Variants in FILIP1L observed in about 807,000 individuals in gnomAD.
FILIP1L encodes filamin A-interacting protein 1-like.
A neutral mutation model predicts 96.6 loss-of-function variants in FILIP1L; 55 were observed. That is an observed-to-expected ratio of 0.57 (90% CI 0.46 to 0.71). The LOEUF (loss-of-function observed/expected upper bound fraction) is 0.71. Among genes scored for constraint, FILIP1L ranks in the 30% least tolerant of loss-of-function variants. FILIP1L has a pLI of 0.00. For missense variants in FILIP1L, 1,304 were observed against 1,321.2 expected (o/e 0.99, Z 0.20); for synonymous variants, 467 against 473.9 (o/e 0.99, Z 0.19).
rs141658014 is a variant in FILIP1L, at chr3:99,965,422, G to A, written c.-10-34392C>T. Among the ~76,000 whole-genome samples the A allele has an allele frequency of 8.1e-4, 123 of 152,324 alleles. 2 individuals carry two copies. In the East Asian group the frequency reaches 0.022, roughly 27 times the overall value. ...TTCTGGCGTAGTGTACTCTGTGGAT[G>A]TACCAGCATGTTCTTCAAGGTCATG... On this transcript the variant is annotated intron_variant, in intron 1 of 5. Coordinates refer to ENST00000477258, the MANE Select transcript of FILIP1L (RefSeq NM_001387850.1).
chr3:100,027,223 C>T (rs913072068), intron 1 of FILIP1L, among the ~76,000 whole-genome samples: 4 of 152,070 alleles, frequency 2.6e-5, no homozygotes, highest in African/African-American at 7.2e-5. Flanking sequence ...TTTTTTATTA[C>T]CTGTTTTCTG....
intron 1 of FILIP1L, chr3:100,075,737 G>A (rs889983158): frequency 1.3e-5 from 2 of 152,080 alleles, no homozygotes; most frequent in African/African-American, 4.8e-5. Flanking sequence ...TAGATTTGGG[G>A]AGAATTTCAT....
At chr3:100,048,664 C>T (rs1270584735) in intron 1 of FILIP1L, among the ~76,000 whole-genome samples, 6 of 152,132 alleles carry the variant, frequency 3.9e-5, no homozygotes, top group Admixed American at 3.9e-4. Flanking sequence ...AATCAGGAAT[C>T]ATTTCCACTC....
At chr3:100,006,655 C>CAAA (rs201648197) in intron 1 of FILIP1L, among the ~76,000 whole-genome samples, 1 of 134,032 alleles carries the variant, frequency 7.5e-6, no homozygotes, top group Non-Finnish European at 1.6e-5. Flanking sequence ...CTTTTCTTTC[C>CAAA]AAAAAAAAAA....
Position 99,983,423 on chromosome 3 carries a change from T to C in FILIP1L, c.-10-52393A>G, listed in dbSNP as rs1402368027. Among the ~76,000 whole-genome samples, 13 of 77,866 alleles carry C rather than the reference T, an allele frequency of 1.7e-4. 1 individual carries two copies. The highest frequency in any genetic ancestry group is 2.9e-4 in the Non-Finnish European group (12 of 41,490). The allele number at this position is 77,866 out of a possible 152,430, so 51.1% of individuals were successfully genotyped here. ...ATATATATATATATATATATATGTA[T>C]GTATGTATGTATATATATGTATGTA... On this transcript the variant is annotated intron_variant, in intron 1 of 5. Coordinates refer to ENST00000477258, the MANE Select transcript of FILIP1L (RefSeq NM_001387850.1).
chr3:99,906,108 C>T (rs1706607380), intron 4 of FILIP1L, among the ~76,000 whole-genome samples: 1 of 152,124 alleles, frequency 6.6e-6, no homozygotes, highest in Non-Finnish European at 1.5e-5. Flanking sequence ...GTGGGAGGAT[C>T]GCTTGAGCCC....
chr3:99,917,996 G>T (rs932640479), intron 4 of FILIP1L, among the ~76,000 whole-genome samples: 5 of 151,782 alleles, frequency 3.3e-5, no homozygotes, highest in African/African-American at 1.2e-4. Flanking sequence ...TGTTTTTTTT[G>T]AGACAGATTC....
In FILIP1L at chr3:99,967,513, A is replaced by G. The variant is rs143686902; in HGVS notation, c.-10-36483T>C. On this transcript the variant is annotated intron_variant, in intron 1 of 5. Coordinates refer to ENST00000477258, the MANE Select transcript of FILIP1L (RefSeq NM_001387850.1). ...GTCAACTGAATTTTTTGTTCCACTA[A>G]GAGTCCCCTCCTGGCTCCTTGTTTT... Among the ~76,000 whole-genome samples the G allele has an allele frequency of 3.7e-4, 57 of 152,296 alleles. No homozygotes were observed. In the East Asian group the frequency reaches 8.7e-3, roughly 23 times the overall value.
intron 4 of FILIP1L, among the ~76,000 whole-genome samples, chr3:99,893,690 A>G (rs1706163639): frequency 6.6e-6 from 1 of 152,200 alleles, no homozygotes; most frequent in Non-Finnish European, 1.5e-5. Flanking sequence ...GTAATCTTCA[A>G]TTGCTTTAAT....
At chr3:100,005,249 A>G (rs1288094480) in intron 1 of FILIP1L, among the ~76,000 whole-genome samples, 1 of 152,162 alleles carries the variant, frequency 6.6e-6, no homozygotes, top group Non-Finnish European at 1.5e-5. Flanking sequence ...TCTTTTTCTC[A>G]GATTGCTCAC....
chr3:100,107,421 C>T (rs1451249907), intron 1 of FILIP1L, among the ~76,000 whole-genome samples: 1 of 152,076 alleles, frequency 6.6e-6, no homozygotes, highest in Non-Finnish European at 1.5e-5. Context: ...AATTTCTGAA[C>T]ACTTTGTTTA....
At chr3:100,021,960 T>TGTGTGTGAGAGAGAGA (rs1321185364) in intron 1 of FILIP1L, among the ~76,000 whole-genome samples, 2 of 93,332 alleles carry the variant, frequency 2.1e-5, no homozygotes, top group South Asian at 8.7e-4. Flanking sequence ...TGTGTGTGTG[T>TGTGTGTGAGAGAGAGA]GAGAGAGAGA....
chr3:99,983,478 A>ATGTGTATGTGTG (rs1265189911), intron 1 of FILIP1L, among the ~76,000 whole-genome samples: 3 of 22,122 alleles, frequency 1.4e-4, no homozygotes, highest in Admixed American at 5.2e-4. Context: ...ATATATATAT[A>ATGTGTATGTGTG]TATATATATA....
intron 1 of FILIP1L, among the ~76,000 whole-genome samples, chr3:99,997,153 A>G (rs896446597): frequency 6.6e-6 from 1 of 152,218 alleles, no homozygotes; most frequent in Non-Finnish European, 1.5e-5. Context: ...AAGAAAAACC[A>G]TACAAAGGAT....
At chr3:99,973,063 A>G (rs968039622) in intron 1 of FILIP1L, among the ~76,000 whole-genome samples, 5 of 152,238 alleles carry the variant, frequency 3.3e-5, no homozygotes, top group African/African-American at 7.2e-5. Flanking sequence ...GTGCAGAACT[A>G]TAGGAACAAT....
At chr3:99,968,597 A>G (rs1344976623) in intron 1 of FILIP1L, among the ~76,000 whole-genome samples, 1 of 152,206 alleles carries the variant, frequency 6.6e-6, no homozygotes, top group Non-Finnish European at 1.5e-5. Flanking sequence ...GAAATTGCAC[A>G]AGGAGAATAT....
chr3:99,958,290 C>T (rs1269901183), intron 1 of FILIP1L, among the ~76,000 whole-genome samples: 1 of 149,858 alleles, frequency 6.7e-6, no homozygotes, highest in Non-Finnish European at 1.5e-5. Flanking sequence ...TTTAAGAGAA[C>T]AGTAACAGAA....
intron 1 of FILIP1L, among the ~76,000 whole-genome samples, chr3:100,038,437 T>G (rs538848134): frequency 6.6e-6 from 1 of 152,230 alleles, no homozygotes; most frequent in Non-Finnish European, 1.5e-5. Flanking sequence ...ACCATTTTTT[T>G]GCTTATAGAG....
At chr3:99,866,478 G>A (rs111358437) in intron 4 of FILIP1L, among the ~76,000 whole-genome samples, 1 of 152,170 alleles carries the variant, frequency 6.6e-6, no homozygotes, top group Non-Finnish European at 1.5e-5. Flanking sequence ...ATAGAAACAG[G>A]ATGGATAGCA....
Sources: gnomAD v4.1 joint callset for allele counts (sites outside exome capture counted in the v4.1 genomes callset) on GRCh38, gnomAD v4.1.1 for gene constraint, MANE v1.5 for transcripts, NCBI Gene and HGNC (gene_info 2026-07-23, HGNC 2026-07-21) for gene names.